The following BUB3 variants were observed in gnomAD, a reference collection of about 807,000 sequenced individuals.
BUB3 encodes the protein BUB3 mitotic checkpoint protein, also known as mitotic checkpoint protein BUB3.
BUB3 carries 22 observed loss-of-function variants against 39.9 expected under a neutral mutation model. That is an observed-to-expected ratio of 0.55 (90% CI 0.39 to 0.79). BUB3 has a LOEUF of 0.79. Among genes scored for constraint, BUB3 ranks in the 30% least tolerant of loss-of-function variants. The probability of loss-of-function intolerance (pLI) is 0.00; values close to 1 mark genes in which losing one functional copy is unlikely to be tolerated. For missense variants in BUB3, 303 were observed against 415.4 expected (o/e 0.73, Z 2.35); for synonymous variants, 168 against 155.1 (o/e 1.08, Z -0.62).
At chr10:123,158,029 A>G (rs1589689191) in intron 4 of BUB3, 149 bp downstream of exon 4, 1 of 867,480 alleles carries the variant, frequency 1.2e-6, no homozygotes. Context: ...AAATCCAACT[A>G]CATAGAAATG....
intron 4 of BUB3, 113 bp downstream of exon 4, chr10:123,157,993 GAAAAAA>G: frequency 1.7e-6 from 2 of 1,151,582 alleles, no homozygotes; most frequent in Non-Finnish European, 2.3e-6. Context: ...AACATGGGGG[GAAAAAA>G]GGTTGACAGT....
intron 4 of BUB3, among the ~76,000 whole-genome samples, chr10:123,159,444 G>A (rs1205410137): frequency 2.6e-5 from 4 of 152,180 alleles, no homozygotes; most frequent in Non-Finnish European, 5.9e-5. Context: ...CTTATTAATT[G>A]AAAATAATAG....
chr10:123,169,564 A>G lies in BUB3; in HGVS notation c.*5729A>G, dbSNP rs1273718053. On this transcript the variant is annotated 3_prime_UTR_variant, in exon 8 of 8. Transcript: ENST00000368865. ...TGACTGCTTGAAGTCTAAGATCACC[A>G]AAGTGGCTAATGCAGGCACTGTGAC... The G allele has an allele frequency of 1.3e-5, 2 of 152,246 alleles. No individual in the cohort carries two copies. The highest frequency in any genetic ancestry group is 4.8e-5 in the African/African-American group (2 of 41,472). 9.4% of individuals were successfully genotyped at this position (152,246 alleles called of 1,614,324 possible).
Position 123,170,369 on chromosome 10 carries a change from A to C in BUB3, c.*6534A>C, listed in dbSNP as rs373166917. The C allele has an allele frequency of 1.3e-5, 2 of 152,248 alleles. No individual in the cohort carries two copies. The highest frequency in any genetic ancestry group is 3.9e-4 in the East Asian group (2 of 5,186). 9.4% of individuals were successfully genotyped at this position (152,248 alleles called of 1,614,324 possible). ...ATGAACTATTTCAAACATTCAGAAA[A>C]ACTCAGGATCATACCCATAAACCCA... On this transcript the variant is annotated 3_prime_UTR_variant, in exon 8 of 8. Transcript: ENST00000368865.
chr10:123,161,366 A>G (rs571014226), intron 5 of BUB3, among the ~76,000 whole-genome samples: 1 of 152,276 alleles, frequency 6.6e-6, no homozygotes, highest in South Asian at 2.1e-4. Context: ...TGGTGATCAC[A>G]GTTCCTTTTT....
rs1171823209 is a variant in BUB3 at position 123,169,311 on chromosome 10, C to G, written c.*5476C>G. The G allele has an allele frequency of 6.6e-6, 1 of 152,172 alleles. No individual in the cohort carries two copies. Among genetic ancestry groups the G allele is most frequent in the African/African-American group, 2.4e-5 (1 of 41,446 alleles). The allele number at this position is 152,172 out of a possible 1,614,324, so 9.4% of individuals were successfully genotyped here. A position where few individuals can be genotyped will look rare whatever the true frequency, so the allele number is the denominator to read the frequency against. ...CATGCACTTAATATGAAATTTTGCCCATGATTTATTTTTTACCTTATTTTT... is the reference window on the plus strand; with the variant it reads ...CATGCACTTAATATGAAATTTTGCCGATGATTTATTTTTTACCTTATTTTT... On this transcript the variant is annotated 3_prime_UTR_variant, in exon 8 of 8. Coordinates refer to ENST00000368865, the MANE Select transcript of BUB3 (RefSeq NM_004725.4).
At position 123,154,566 on chromosome 10, in the gene BUB3, C is replaced by T. The variant is rs17585356; in HGVS notation, c.-1+81C>T. 1.0e-2 allele frequency: 1,957 copies of T among 196,158 alleles called. 16 individuals are homozygous for T. Among genetic ancestry groups the T allele is most frequent in the Middle Eastern group, 0.017 (9 of 520 alleles). 12.2% of individuals were successfully genotyped at this position (196,158 alleles called of 1,614,324 possible). A position where few individuals can be genotyped will look rare whatever the true frequency, so the allele number is the denominator to read the frequency against. On this transcript the variant is annotated intron_variant, in intron 1 of 7. Coordinates refer to ENST00000368865, the MANE Select transcript of BUB3 (RefSeq NM_004725.4). ...CCGCAACTGGCAGGGCCGTTCGATTCGCAGGGGATCCCGTTTCGTTTCTGT... is the reference window on the plus strand; with the variant it reads ...CCGCAACTGGCAGGGCCGTTCGATTTGCAGGGGATCCCGTTTCGTTTCTGT...
At position 123,164,139 on chromosome 10, in the gene BUB3, A is replaced by T. The variant is rs148159262; in HGVS notation, c.*304A>T. ...GATTTTTTGTTTCCACTGTGGAAAT[A>T]AATGTTTGTAAATAAGTGTAATAAA... On this transcript the variant is annotated 3_prime_UTR_variant, in exon 8 of 8. Coordinates refer to ENST00000368865, the MANE Select transcript of BUB3 (RefSeq NM_004725.4). 4.6e-4 allele frequency: 493 copies of T among 1,075,912 alleles called. 1 individual carries two copies. The African/African-American group carries it at 7.5e-3, about 16-fold the overall frequency. The allele number at this position is 1,075,912 out of a possible 1,614,324, so 66.6% of individuals were successfully genotyped here. A position where few individuals can be genotyped will look rare whatever the true frequency, so the allele number is the denominator to read the frequency against.
rs1442557391 is a variant in BUB3 at position 123,168,671 on chromosome 10, A to G, written c.*4836A>G. ...TTCAAGCAATTCTCCTGCCTCAGCC[A>G]CCCGAGTAGTTGGGATTACAGGCAC... On this transcript the variant is annotated 3_prime_UTR_variant, in exon 8 of 8. Transcript: ENST00000368865. 6.6e-6 allele frequency: 1 copy of G among 151,950 alleles called. No individual in the cohort carries two copies. Among genetic ancestry groups the G allele is most frequent in the Non-Finnish European group, 1.5e-5 (1 of 67,990 alleles). 9.4% of individuals were successfully genotyped at this position (151,950 alleles called of 1,614,324 possible).
intron 5 of BUB3, among the ~76,000 whole-genome samples, chr10:123,161,080 CTT>C (rs1201442234): frequency 2.0e-5 from 3 of 151,822 alleles, no homozygotes; most frequent in Non-Finnish European, 4.4e-5. Context: ...CAGGGCCCCT[CTT>C]ATGACTGACT....
intron 7 of BUB3, 68 bp downstream of exon 7, chr10:123,162,896 A>C: frequency 7.0e-7 from 1 of 1,436,370 alleles, no homozygotes; most frequent in Non-Finnish European, 9.7e-7. Flanking sequence ...ATTTTTCTAA[A>C]TTCATGAATA....
chr10:123,164,751 TATAGTG>T lies in BUB3; in HGVS notation c.*918_*923del. The T allele has an allele frequency of 5.3e-6, 6 of 1,125,712 alleles. No individual in the cohort carries two copies. Among genetic ancestry groups the T allele is most frequent in the Non-Finnish European group, 6.5e-6 (6 of 920,606 alleles). 69.7% of individuals were successfully genotyped at this position (1,125,712 alleles called of 1,614,324 possible). On this transcript the variant is annotated 3_prime_UTR_variant, in exon 8 of 8. Coordinates refer to ENST00000368865, the MANE Select transcript of BUB3 (RefSeq NM_004725.4). The stretch of plus-strand genomic sequence containing the variant: ...TGATTAAAGTTAAAAAGAAAAAAAT[TATAGTG>T]AGAATGAGATTCATTTCAATGTAAT...
In BUB3 at chr10:123,154,828, C is replaced by T. The variant is rs1163119859; in HGVS notation, c.1-90C>T. ...TCTCCTCGCGGTCGTCCTCTCGGCC[C>T]CTCCCTCTGGGGGGACCCCCAGTGC... On this transcript the variant is annotated intron_variant, in intron 1 of 7. Transcript: ENST00000368865. 22 of 1,405,996 alleles carry T rather than the reference C, an allele frequency of 1.6e-5. No homozygotes were observed. In the East Asian group the frequency reaches 4.5e-4, roughly 29 times the overall value. The allele number at this position is 1,405,996 out of a possible 1,614,324, so 87.1% of individuals were successfully genotyped here.
At chr10:123,155,887 A>C (rs1230782203) in intron 3 of BUB3, among the ~76,000 whole-genome samples, 160 bp downstream of exon 3, 1 of 152,252 alleles carries the variant, frequency 6.6e-6, no homozygotes, top group African/African-American at 2.4e-5. Context: ...ATAACCATTA[A>C]GTTACTGATT....
chr10:123,163,536 C>T (rs1300350739), intron 7 of BUB3, among the ~76,000 whole-genome samples: 2 of 152,172 alleles, frequency 1.3e-5, no homozygotes, highest in East Asian at 1.9e-4. Flanking sequence ...AGGAAGTTCT[C>T]GATACATATT....
chr10:123,155,030 C>T lies in BUB3; in HGVS notation c.113C>T (p.Ser38Phe), dbSNP rs1447938381. ...CTGCTTGTCTCCTCCTGGGACACGT[C>T]CGTGCGTCTCTACGATGTGCCGGCC... Reference protein sequence around the residue: ...QFLLVSSWDTSVRLYDVPANS... With the variant: ...QFLLVSSWDTFVRLYDVPANS... The change falls in exon 2 of 8, where the codon TCC becomes TTC. Residue 38 changes from serine to phenylalanine, a missense_variant. By Grantham distance (155) the Ser-to-Phe change is radical (BLOSUM62 -2). Coordinates refer to ENST00000368865, the MANE Select transcript of BUB3 (RefSeq NM_004725.4). The T allele has an allele frequency of 2.5e-6, 4 of 1,614,102 alleles. No individual in the cohort carries two copies. The highest frequency in any genetic ancestry group is 3.4e-6 in the Non-Finnish European group (4 of 1,180,050).
Position 123,167,470 on chromosome 10 carries a change from G to T in BUB3, c.*3635G>T, listed in dbSNP as rs886561547. ...TATTGCCTGGCATTTAAACATTTTTGTATGCGTACATCTTGCTTTCCTACT... is the reference window on the plus strand; with the variant it reads ...TATTGCCTGGCATTTAAACATTTTTTTATGCGTACATCTTGCTTTCCTACT... On this transcript the variant is annotated 3_prime_UTR_variant, in exon 8 of 8. Transcript: ENST00000368865. The T allele has an allele frequency of 3.3e-5, 5 of 152,028 alleles. No homozygotes were observed. Among genetic ancestry groups the T allele is most frequent in the Admixed American group, 6.6e-5 (1 of 15,264 alleles). The allele number at this position is 152,028 out of a possible 1,614,324, so 9.4% of individuals were successfully genotyped here.
chr10:123,162,465 G>A lies in BUB3; in HGVS notation c.754+52G>A. ...TTAATTATTATACTATTTGGTGCTT[G>A]CTTTTTATGGTATTTAGTGAAAAAA... On this transcript the variant is annotated intron_variant, in intron 6 of 7. Coordinates refer to ENST00000368865, the MANE Select transcript of BUB3 (RefSeq NM_004725.4). 4 of 1,585,150 alleles carry A rather than the reference G, an allele frequency of 2.5e-6. No individual in the cohort carries two copies. The South Asian group carries it at 3.4e-5, about 14-fold the overall frequency.
rs1844333011 is a variant in BUB3, at chr10:123,155,098, G to C, written c.181G>C (p.Asp61His). The change falls in exon 2 of 8, where the codon GAC becomes CAC. Residue 61 changes from aspartate (D) to histidine (H), a missense_variant. Transcript: ENST00000368865. ...LKYQHTGAVL[D>H]CAFYDPTHAW... ...GTACCAGCACACCGGCGCCGTCCTG[G>C]ACTGCGCCTTCTACGTAGGTGCCCT... is the stretch of plus-strand genomic sequence containing the variant. 1.2e-6 allele frequency: 2 copies of C among 1,613,888 alleles called. No homozygotes were observed. Among genetic ancestry groups the C allele is most frequent in the Non-Finnish European group, 1.7e-6 (2 of 1,179,960 alleles).
Sources: allele counts gnomAD v4.1 joint callset (sites outside exome capture counted in the v4.1 genomes callset), GRCh38; gene constraint gnomAD v4.1.1; transcripts MANE v1.5; gene names NCBI Gene and HGNC (gene_info 2026-07-23, HGNC 2026-07-21).